The following GALNTL6 variants were observed in gnomAD, a reference collection of about 807,000 sequenced individuals.
GALNTL6 encodes polypeptide N-acetylgalactosaminyltransferase like 6.
A neutral mutation model predicts 73.7 loss-of-function variants in GALNTL6; 46 were observed. The observed-to-expected ratio is 0.62, with a 90% CI of 0.49 to 0.80. The LOEUF is 0.80. Ranked by LOEUF, GALNTL6 falls within the 30% of genes least tolerant of loss-of-function variation. GALNTL6 has a pLI of 0.00. For missense variants in GALNTL6, 604 were observed against 755.0 expected (o/e 0.80, Z 2.34); for synonymous variants, 259 against 263.7 (o/e 0.98, Z 0.17).
At chr4:171,984,682 T>G (rs1365008961) in intron 2 of GALNTL6, among the ~76,000 whole-genome samples, 1 of 151,860 alleles carries the variant, frequency 6.6e-6, no homozygotes, top group East Asian at 1.9e-4. Context: ...AAGAGCTAAG[T>G]AGGAAGCAGG....
At chr4:172,903,201 C>T (rs1746716116) in intron 8 of GALNTL6, among the ~76,000 whole-genome samples, 2 of 152,076 alleles carry the variant, frequency 1.3e-5, no homozygotes, top group Admixed American at 1.3e-4. Flanking sequence ...GTTATCTGCT[C>T]ACCTAACTGC....
At chr4:172,176,337 C>CAAAAAAAAAAAAAAACAAAA (rs1734996475) in intron 2 of GALNTL6, among the ~76,000 whole-genome samples, 1 of 31,362 alleles carries the variant, frequency 3.2e-5, no homozygotes, top group Non-Finnish European at 5.2e-5. Flanking sequence ...GACTCCGTCT[C>CAAAAAAAAAAAAAAACAAAA]AAAAAAAAAA....
chr4:172,527,309 G>A (rs1734991828), intron 5 of GALNTL6, among the ~76,000 whole-genome samples: 2 of 152,156 alleles, frequency 1.3e-5, no homozygotes, highest in Non-Finnish European at 1.5e-5. Flanking sequence ...ATGGCTGATT[G>A]TAGACACTGA....
At chr4:172,105,316 C>T (rs1204205974) in intron 2 of GALNTL6, among the ~76,000 whole-genome samples, 27 of 151,632 alleles carry the variant, frequency 1.8e-4, no homozygotes. Context: ...TATAAAGACA[C>T]GGAAGACATG....
chr4:172,883,542 G>A (rs540060172), intron 8 of GALNTL6, among the ~76,000 whole-genome samples: 33 of 152,192 alleles, frequency 2.2e-4, no homozygotes, highest in African/African-American at 6.7e-4. Flanking sequence ...CAGATCTCAC[G>A]AGAACTCACT....
chr4:172,273,744 A>G (rs977189262), intron 3 of GALNTL6, among the ~76,000 whole-genome samples: 2 of 152,140 alleles, frequency 1.3e-5, no homozygotes, highest in Admixed American at 1.3e-4. Context: ...AGAGAGCTGT[A>G]AGGCAAACTA....
intron 1 of GALNTL6, among the ~76,000 whole-genome samples, 178 bp downstream of exon 1, chr4:171,814,168 G>A (rs967814702): frequency 2.6e-5 from 4 of 152,132 alleles, no homozygotes; most frequent in African/African-American, 9.7e-5. Flanking sequence ...ACACTAAGGA[G>A]GTGGGGGGCG....
chr4:172,426,547 A>G (rs1731234742), intron 5 of GALNTL6, among the ~76,000 whole-genome samples: 1 of 152,154 alleles, frequency 6.6e-6, no homozygotes, highest in African/African-American at 2.4e-5. Flanking sequence ...TAAAACAAGC[A>G]AAATAGAGAG....
chr4:172,970,615 T>C (rs1279021449), intron 10 of GALNTL6, among the ~76,000 whole-genome samples: 1 of 152,214 alleles, frequency 6.6e-6, no homozygotes. Flanking sequence ...TCTTCCCTTG[T>C]TCCCTGAAAA....
chr4:172,873,890 T>C (rs1745065653), intron 7 of GALNTL6, among the ~76,000 whole-genome samples: 1 of 152,218 alleles, frequency 6.6e-6, no homozygotes, highest in South Asian at 2.1e-4. Context: ...TTTTGCTTGA[T>C]ATAAAGTGTC....
chr4:172,482,494 T>C (rs1351636702), intron 5 of GALNTL6, among the ~76,000 whole-genome samples: 2 of 152,226 alleles, frequency 1.3e-5, no homozygotes, highest in African/African-American at 4.8e-5. Context: ...AGTTGTAATG[T>C]CATACTGCAA....
intron 5 of GALNTL6, among the ~76,000 whole-genome samples, chr4:172,566,343 T>C (rs930542012): frequency 3.3e-5 from 5 of 152,156 alleles, no homozygotes; most frequent in African/African-American, 1.2e-4. Context: ...CAAGCATCTT[T>C]TCAGACCACA....
At chr4:173,017,444 A>G (rs75520412) in intron 11 of GALNTL6, among the ~76,000 whole-genome samples, 15,124 of 152,250 alleles carry the variant, frequency 0.099, 1,004 homozygotes, top group Non-Finnish European at 0.16. Context: ...AATGAATATA[A>G]TTTCATAATG....
intron 2 of GALNTL6, among the ~76,000 whole-genome samples, chr4:172,206,629 G>A (rs1232102274): frequency 6.6e-6 from 1 of 152,032 alleles, no homozygotes; most frequent in East Asian, 1.9e-4. Context: ...AAGTGCCATT[G>A]AAGTGAGACC....
chr4:172,844,171 C>T (rs1336655326), intron 7 of GALNTL6, among the ~76,000 whole-genome samples: 1 of 152,174 alleles, frequency 6.6e-6, no homozygotes, highest in Non-Finnish European at 1.5e-5. Flanking sequence ...GCTCATACCG[C>T]GTACATTGAG....
chr4:172,310,594 T>C (rs1039498719), intron 3 of GALNTL6, among the ~76,000 whole-genome samples: 2 of 152,120 alleles, frequency 1.3e-5, no homozygotes, highest in African/African-American at 4.8e-5. Context: ...TTTCTATAAC[T>C]GCCTGAACAT....
At chr4:171,927,640 C>T (rs1738029827) in intron 2 of GALNTL6, among the ~76,000 whole-genome samples, 1 of 151,860 alleles carries the variant, frequency 6.6e-6, no homozygotes, top group Non-Finnish European at 1.5e-5. Flanking sequence ...CTGTTTTGTC[C>T]TTTCTCTTGT....
intron 2 of GALNTL6, among the ~76,000 whole-genome samples, chr4:172,212,755 GC>G (rs1373539662): frequency 2.0e-5 from 3 of 151,404 alleles, no homozygotes; most frequent in East Asian, 2.0e-4. Flanking sequence ...ACAACCTCTG[GC>G]CCCCGGGTTC....
chr4:172,996,506 T>C (rs1273280667), intron 10 of GALNTL6, among the ~76,000 whole-genome samples: 3 of 152,172 alleles, frequency 2.0e-5, no homozygotes, highest in African/African-American at 7.2e-5. Context: ...TTTACCTATA[T>C]GACAAACCTG....
Sources: allele counts gnomAD v4.1 joint callset (sites outside exome capture counted in the v4.1 genomes callset), GRCh38; gene constraint gnomAD v4.1.1; transcripts MANE v1.5; gene names NCBI Gene and HGNC (gene_info 2026-07-23, HGNC 2026-07-21).